LARGE1: variants seen among roughly 807,000 people sequenced by gnomAD.
LARGE1 encodes the protein LARGE xylosyl- and glucuronyltransferase 1, also known as xylosyl- and glucuronyltransferase LARGE1.
LARGE1 carries 43 observed loss-of-function variants against 87.6 expected under a neutral mutation model. That is an observed-to-expected ratio of 0.49 (90% CI 0.38 to 0.63). The LOEUF (loss-of-function observed/expected upper bound fraction) is 0.63. Among genes scored for constraint, LARGE1 ranks in the 30% least tolerant of loss-of-function variants. The pLI is 0.00. For missense variants in LARGE1, 802 were observed against 1,000.2 expected, an observed-to-expected ratio of 0.80 and a Z score of 2.67; for synonymous variants, 434 against 394.6, an observed-to-expected ratio of 1.10 and a Z score of -1.18.
intron 11 of LARGE1, among the ~76,000 whole-genome samples, chr22:33,240,754 A>G (rs1926473127): frequency 1.3e-5 from 2 of 152,160 alleles, no homozygotes; most frequent in African/African-American, 4.8e-5. Context: ...ATTCTTATAT[A>G]TGGATCCCGT....
chr22:33,440,953 T>C (rs995415475), intron 6 of LARGE1, among the ~76,000 whole-genome samples: 3 of 151,920 alleles, frequency 2.0e-5, no homozygotes, highest in Non-Finnish European at 4.4e-5. Flanking sequence ...GCGGTGTTTA[T>C]AGAAACACGC....
At chr22:33,536,368 T>C (rs1280579712) in intron 6 of LARGE1, among the ~76,000 whole-genome samples, 1 of 152,216 alleles carries the variant, frequency 6.6e-6, no homozygotes, top group African/African-American at 2.4e-5. Flanking sequence ...TGGCCTTCTG[T>C]ATGTTTCATG....
At chr22:33,691,307 G>A (rs536675153) in intron 2 of LARGE1, among the ~76,000 whole-genome samples, 13 of 152,056 alleles carry the variant, frequency 8.5e-5, no homozygotes, top group South Asian at 4.2e-4. Flanking sequence ...AGGCTTACTC[G>A]TCAGGAGAAA....
the LARGE1 span, among the ~76,000 whole-genome samples, chr22:33,096,776 A>G: frequency 6.6e-6 from 1 of 151,976 alleles, no homozygotes; most frequent in Non-Finnish European, 1.5e-5. Context: ...TGTGTTAGCC[A>G]GGATGGTCTC....
intron 11 of LARGE1, among the ~76,000 whole-genome samples, chr22:33,183,818 C>T (rs1602058833): frequency 6.6e-6 from 1 of 152,020 alleles, no homozygotes; most frequent in East Asian, 1.9e-4. Flanking sequence ...CTGACAGAAG[C>T]AGAGAGTAGA....
chr22:33,416,226 C>T (rs2066479600), intron 7 of LARGE1, among the ~76,000 whole-genome samples: 1 of 152,190 alleles, frequency 6.6e-6, no homozygotes, highest in African/African-American at 2.4e-5. Flanking sequence ...ACATTGGGCA[C>T]ATACCCTACA....
chr22:33,160,643 CA>C (rs1921992688), downstream of LARGE1, among the ~76,000 whole-genome samples: 1 of 152,212 alleles, frequency 6.6e-6, no homozygotes, highest in African/African-American at 2.4e-5. Context: ...CTTTTAGTGG[CA>C]GTCCTCTCCT....
At position 33,541,057 on chromosome 22, in the gene LARGE1, G is replaced by C. The variant is rs1464662412; in HGVS notation, c.787+23791C>G. Among the ~76,000 whole-genome samples the C allele has an allele frequency of 3.2e-4, 28 of 86,772 alleles. 3 individuals carry two copies. The highest frequency in any genetic ancestry group is 6.4e-4 in the African/African-American group (11 of 17,232). 56.9% of individuals were successfully genotyped at this position (86,772 alleles called of 152,430 possible). ...TGGTGGCTGGGGTGGTGGGTTGCGG[G>C]GGGGGGGGGGCGGGGGGCGGGTTGC... On this transcript the variant is annotated intron_variant, in intron 6 of 14. Coordinates refer to ENST00000397394, the MANE Select transcript of LARGE1 (RefSeq NM_133642.5).
chr22:33,397,737 T>A (rs1392830973), intron 7 of LARGE1, among the ~76,000 whole-genome samples: 1 of 152,178 alleles, frequency 6.6e-6, no homozygotes, highest in Non-Finnish European at 1.5e-5. Flanking sequence ...TGTGCTCAGG[T>A]TAAGTAGATA....
At chr22:33,915,042 C>CAGAGAGAGAGAGAGAGAGAGAG (rs57289711) in intron 1 of LARGE1, among the ~76,000 whole-genome samples, 1 of 137,032 alleles carries the variant, frequency 7.3e-6, no homozygotes, top group African/African-American at 2.8e-5. Context: ...CACACACACA[C>CAGAGAGAGAGAGAGAGAGAGAG]AGAGAGAGAG....
chr22:33,298,273 C>T (rs1448207579), intron 12 of LARGE1, among the ~76,000 whole-genome samples: 1 of 152,196 alleles, frequency 6.6e-6, no homozygotes, highest in Non-Finnish European at 1.5e-5. Context: ...AGGCTGTAAA[C>T]CTGAGGGCCA....
chr22:33,686,180 G>A (rs1015641635), intron 2 of LARGE1, among the ~76,000 whole-genome samples: 6 of 152,114 alleles, frequency 3.9e-5, no homozygotes, highest in Non-Finnish European at 5.9e-5. Context: ...AGGCAAACAA[G>A]TGGCGACTTG....
At chr22:33,113,053 C>T in the LARGE1 span, among the ~76,000 whole-genome samples, 1 of 152,172 alleles carries the variant, frequency 6.6e-6, no homozygotes, top group Non-Finnish European at 1.5e-5. Context: ...TAGGGTTCAA[C>T]TCAAAATATA....
downstream of LARGE1, among the ~76,000 whole-genome samples, chr22:33,158,400 A>G (rs192268374): frequency 8.5e-5 from 13 of 152,342 alleles, no homozygotes; most frequent in Admixed American, 7.2e-4. Context: ...TTGAACATCA[A>G]TTGACACAAC....
At chr22:33,866,743 G>A (rs56399738) in intron 1 of LARGE1, among the ~76,000 whole-genome samples, 5 of 152,254 alleles carry the variant, frequency 3.3e-5, no homozygotes, top group Middle Eastern at 3.4e-3. Flanking sequence ...GGATTGCTGC[G>A]AGGATTAGAA....
At chr22:33,233,447 C>T (rs1926107243) in intron 11 of LARGE1, among the ~76,000 whole-genome samples, 1 of 152,174 alleles carries the variant, frequency 6.6e-6, no homozygotes, top group Non-Finnish European at 1.5e-5. Context: ...TTCCTCTTGT[C>T]CTCTCTCTAG....
chr22:33,138,450 A>AT, the LARGE1 span, among the ~76,000 whole-genome samples: 63,587 of 148,238 alleles, frequency 0.43, 13,682 homozygotes, highest in South Asian at 0.68. Context: ...TTATTTTTTC[A>AT]TTTTTTTTTT....
chr22:33,263,056 C>A (rs1411059211), intron 11 of LARGE1, among the ~76,000 whole-genome samples: 1 of 152,006 alleles, frequency 6.6e-6, no homozygotes, highest in Non-Finnish European at 1.5e-5. Flanking sequence ...CCATGCCCAG[C>A]TAGTTTTTTG....
At chr22:33,606,824 T>A (rs2079278250) in intron 4 of LARGE1, among the ~76,000 whole-genome samples, 1 of 152,182 alleles carries the variant, frequency 6.6e-6, no homozygotes. Flanking sequence ...TCTCTTAGTC[T>A]GCCTTAGGAC....
Sources: allele counts gnomAD v4.1 joint callset (sites outside exome capture counted in the v4.1 genomes callset), GRCh38; gene constraint gnomAD v4.1.1; transcripts MANE v1.5; gene names NCBI Gene and HGNC (gene_info 2026-07-23, HGNC 2026-07-21).